DPY19L2: variants seen among roughly 807,000 people sequenced by gnomAD.
The protein encoded by DPY19L2 is dpy-19 like 2.
DPY19L2 carries 34 observed loss-of-function variants against 97.9 expected under a neutral mutation model. The ratio of observed to expected loss-of-function variants is 0.35; its 90% CI spans 0.26 to 0.46. The LOEUF is 0.46. Among genes scored for constraint, DPY19L2 ranks in the 20% least tolerant of loss-of-function variants. The pLI is 1.00. For synonymous variants in DPY19L2, 230 were observed against 307.9 expected (o/e 0.75, Z 2.65); for missense variants, 623 against 911.4 (o/e 0.68, Z 4.07).
chr12:63,589,394 T>TAAAAAAAAAAAAAAAAAAAAAAAAA (rs1882478786), intron 16 of DPY19L2, among the ~76,000 whole-genome samples: 1 of 43,672 alleles, frequency 2.3e-5, no homozygotes. Flanking sequence ...AAAAAAAAAG[T>TAAAAAAAAAAAAAAAAAAAAAAAAA]AAAGCAGCTT....
intron 6 of DPY19L2, among the ~76,000 whole-genome samples, chr12:63,639,719 G>A (rs1405500914): frequency 1.3e-5 from 2 of 152,206 alleles, no homozygotes; most frequent in African/African-American, 4.8e-5. Flanking sequence ...CGGAGAGGAT[G>A]TGGAGAAATA....
intron 19 of DPY19L2, among the ~76,000 whole-genome samples, chr12:63,571,871 G>C (rs1171761079): frequency 6.6e-6 from 1 of 152,162 alleles, no homozygotes; most frequent in Non-Finnish European, 1.5e-5. Flanking sequence ...AATTGTGAAG[G>C]TTACTATCAT....
At chr12:63,566,841 T>A (rs1265908237) in intron 21 of DPY19L2, among the ~76,000 whole-genome samples, 9 of 143,390 alleles carry the variant, frequency 6.3e-5, no homozygotes, top group Middle Eastern at 3.2e-3. Context: ...TAGTTATATG[T>A]TTAGGGTTTT....
intron 6 of DPY19L2, among the ~76,000 whole-genome samples, chr12:63,634,551 A>C (rs1891314930): frequency 6.6e-6 from 1 of 152,116 alleles, no homozygotes; most frequent in South Asian, 2.1e-4. Context: ...GCCGTGATAG[A>C]CAGTACCTGG....
intron 9 of DPY19L2, chr12:63,620,091 T>C: frequency 2.7e-6 from 1 of 377,090 alleles, no homozygotes; most frequent in Admixed American, 3.4e-5. Flanking sequence ...TATAGAATAT[T>C]ATTATTATCA....
At chr12:63,604,131 AT>A (rs1885646930) in intron 12 of DPY19L2, among the ~76,000 whole-genome samples, 1 of 152,184 alleles carries the variant, frequency 6.6e-6, no homozygotes. Flanking sequence ...CATCCACTGG[AT>A]ATGTAATTCA....
At chr12:63,585,460 G>A (rs562006467) in intron 16 of DPY19L2, among the ~76,000 whole-genome samples, 5 of 152,118 alleles carry the variant, frequency 3.3e-5, no homozygotes, top group African/African-American at 1.2e-4. Flanking sequence ...ATCGAAGACA[G>A]GGGAAGGTCT....
chr12:63,570,602 T>C (rs145006198), intron 20 of DPY19L2, among the ~76,000 whole-genome samples, 156 bp downstream of exon 20: 4,444 of 151,808 alleles, frequency 0.029, 83 homozygotes, highest in Middle Eastern at 0.082. Flanking sequence ...TCTGGATGGT[T>C]ATTGTCATTT....
intron 21 of DPY19L2, among the ~76,000 whole-genome samples, chr12:63,562,664 C>T (rs184226141): frequency 3.3e-5 from 5 of 151,988 alleles, no homozygotes; most frequent in Non-Finnish European, 4.4e-5. Flanking sequence ...CAACACTTGG[C>T]AGTTTTTTTT....
rs960193011 is a variant in DPY19L2 at position 63,620,746 on chromosome 12, G to T, written c.1053+492C>A. ...GGAATATAAATCATTCTATTACAAA[G>T]ACACGTGCACCCATGTCTTCATTGC... is the stretch of plus-strand genomic sequence containing the variant. On this transcript the variant is annotated intron_variant, in intron 9 of 21. Coordinates refer to ENST00000324472, the MANE Select transcript of DPY19L2 (RefSeq NM_173812.5). Among the ~76,000 whole-genome samples the T allele has an allele frequency of 1.6e-4, 25 of 152,056 alleles. 1 individual carries two copies. Among genetic ancestry groups the T allele is most frequent in the Admixed American group, 1.6e-3 (25 of 15,260 alleles).
At chr12:63,602,519 AAAG>A (rs1745813229) in intron 12 of DPY19L2, among the ~76,000 whole-genome samples, 1 of 152,272 alleles carries the variant, frequency 6.6e-6, no homozygotes, top group Non-Finnish European at 1.5e-5. Flanking sequence ...TCCAGAAATA[AAAG>A]AAGACCTGAA....
At chr12:63,663,125 G>C (rs1487624495) in intron 3 of DPY19L2, among the ~76,000 whole-genome samples, 1 of 152,070 alleles carries the variant, frequency 6.6e-6, no homozygotes, top group African/African-American at 2.4e-5. Context: ...AGACTGAGGA[G>C]AGCCAGTTTC....
chr12:63,610,513 C>T (rs897698631), intron 11 of DPY19L2, among the ~76,000 whole-genome samples: 1 of 151,364 alleles, frequency 6.6e-6, no homozygotes, highest in African/African-American at 2.4e-5. Context: ...AATTAGATAA[C>T]TTATAAGAAA....
chr12:63,569,827 C>T (rs998323937), intron 20 of DPY19L2, among the ~76,000 whole-genome samples: 3 of 152,244 alleles, frequency 2.0e-5, no homozygotes, highest in Non-Finnish European at 2.9e-5. Flanking sequence ...AAAGCACCTT[C>T]GCAGAATCTT....
intron 15 of DPY19L2, among the ~76,000 whole-genome samples, 197 bp downstream of exon 15, chr12:63,595,769 T>A (rs1056028988): frequency 6.6e-6 from 1 of 152,166 alleles, no homozygotes; most frequent in Non-Finnish European, 1.5e-5. Context: ...CTGGTATGTA[T>A]CTTTTGAAAG....
At chr12:63,623,465 T>C (rs937736817) in intron 8 of DPY19L2, among the ~76,000 whole-genome samples, 1 of 152,102 alleles carries the variant, frequency 6.6e-6, no homozygotes, top group African/African-American at 2.4e-5. Context: ...GAAAATGTAA[T>C]TGTTTCTCAA....
At chr12:63,609,564 G>C (rs1886617510) in intron 11 of DPY19L2, among the ~76,000 whole-genome samples, 1 of 152,018 alleles carries the variant, frequency 6.6e-6, no homozygotes, top group African/African-American at 2.4e-5. Context: ...CACAAAAAGG[G>C]CTTTCACCAA....
intron 16 of DPY19L2, among the ~76,000 whole-genome samples, chr12:63,592,004 G>A (rs1310392929): frequency 1.9e-4 from 1 of 5,300 alleles, no homozygotes; most frequent in African/African-American, 7.6e-4. Flanking sequence ...GGGAGGGGAA[G>A]GGAGGGGAGG....
intron 11 of DPY19L2, among the ~76,000 whole-genome samples, chr12:63,614,369 C>T (rs756856430): frequency 7.9e-5 from 12 of 151,834 alleles, no homozygotes; most frequent in Admixed American, 2.0e-4. Context: ...TGGGAGATAA[C>T]GACATAAAGA....
Sources: allele counts gnomAD v4.1 joint callset (sites outside exome capture counted in the v4.1 genomes callset), GRCh38; gene constraint gnomAD v4.1.1; transcripts MANE v1.5; gene names NCBI Gene and HGNC (gene_info 2026-07-23, HGNC 2026-07-21).